The following ARMH3 variants were observed in gnomAD, a reference collection of about 807,000 sequenced individuals.
The protein encoded by ARMH3 is armadillo-like helical domain-containing protein 3.
ARMH3 carries 60 observed loss-of-function variants against 99.1 expected under a neutral mutation model. The ratio of observed to expected loss-of-function variants is 0.61; its 90% confidence interval spans 0.49 to 0.75. The LOEUF (loss-of-function observed/expected upper bound fraction) is 0.75, where lower values mean the gene tolerates loss of function less well. Ranked by LOEUF, ARMH3 falls within the 30% of genes least tolerant of loss-of-function variation. The pLI is 0.00. For synonymous variants in ARMH3, 285 were observed against 292.8 expected (o/e 0.97, Z 0.27); for missense variants, 679 against 843.1 (o/e 0.81, Z 2.41).
intron 24 of ARMH3, among the ~76,000 whole-genome samples, chr10:101,871,015 A>G (rs923475107): frequency 2.6e-5 from 4 of 152,218 alleles, no homozygotes; most frequent in Middle Eastern, 3.2e-3. Context: ...GATGCAGGAA[A>G]AAAAAGTCAA....
At chr10:101,946,010 G>A (rs1436378736) in intron 22 of ARMH3, among the ~76,000 whole-genome samples, 1 of 139,614 alleles carries the variant, frequency 7.2e-6, no homozygotes, top group East Asian at 2.1e-4. Flanking sequence ...TTGAACCCAG[G>A]AGGCAGAGGT....
chr10:101,989,678 G>C (rs189156745), intron 19 of ARMH3, among the ~76,000 whole-genome samples: 1 of 152,306 alleles, frequency 6.6e-6, no homozygotes, highest in East Asian at 1.9e-4. Flanking sequence ...CCGAGATCAT[G>C]CCACTGCACT....
At chr10:101,934,887 T>C (rs1843885282) in intron 23 of ARMH3, among the ~76,000 whole-genome samples, 1 of 152,020 alleles carries the variant, frequency 6.6e-6, no homozygotes. Flanking sequence ...TGGCAGGAAA[T>C]ATTTAGCATA....
At chr10:101,953,493 T>C (rs906310912) in intron 22 of ARMH3, among the ~76,000 whole-genome samples, 6 of 151,300 alleles carry the variant, frequency 4.0e-5, no homozygotes, top group Admixed American at 6.6e-5. Context: ...TCCTCCCGCC[T>C]GGGACTCTGA....
chr10:101,857,972 T>C (rs2066774286), intron 24 of ARMH3, among the ~76,000 whole-genome samples: 1 of 152,232 alleles, frequency 6.6e-6, no homozygotes, highest in African/African-American at 2.4e-5. Flanking sequence ...AACCTTGCAA[T>C]TTCAGCAGCC....
intron 9 of ARMH3, among the ~76,000 whole-genome samples, chr10:102,013,252 C>T (rs2136119006): frequency 6.6e-6 from 1 of 152,270 alleles, no homozygotes; most frequent in African/African-American, 2.4e-5. Context: ...ACAATGAGTC[C>T]ATGCTAAATG....
At chr10:101,992,364 G>A (rs1239105046) in intron 17 of ARMH3, among the ~76,000 whole-genome samples, 2 of 151,980 alleles carry the variant, frequency 1.3e-5, no homozygotes, top group East Asian at 1.9e-4. Context: ...GACAAAAGAG[G>A]TACACTGGTG....
intron 19 of ARMH3, among the ~76,000 whole-genome samples, chr10:101,976,460 C>CT: frequency 6.6e-6 from 1 of 151,046 alleles, no homozygotes; most frequent in African/African-American, 2.4e-5. Flanking sequence ...ACCCATTCCC[C>CT]TTATCAATGG....
rs760461229 is a variant in ARMH3, at chr10:101,847,637, G to A, written c.1978-17C>T. On this transcript the variant is annotated splice_polypyrimidine_tract_variant and intron_variant, in intron 25 of 25. Transcript: ENST00000370033. ...GGATCGAACCTGGGAAAGGGTAGTT[G>A]GGGAAGGTGGGAGGGCGCAGCCAGA... 6.2e-7 allele frequency: 1 copy of A among 1,612,432 alleles called. No individual in the cohort carries two copies. Among genetic ancestry groups the A allele is most frequent in the South Asian group, 1.1e-5 (1 of 91,040 alleles).
intron 23 of ARMH3, among the ~76,000 whole-genome samples, chr10:101,923,638 C>T (rs1843388925): frequency 6.6e-6 from 1 of 152,182 alleles, no homozygotes; most frequent in South Asian, 2.1e-4. Context: ...ACTCTCACTC[C>T]AAAAATGTCT....
chr10:101,909,971 A>G (rs1019077366), intron 23 of ARMH3, among the ~76,000 whole-genome samples: 21 of 152,346 alleles, frequency 1.4e-4, no homozygotes, highest in Non-Finnish European at 5.9e-5. Flanking sequence ...GTTCAAAATT[A>G]AAGTTACATG....
chr10:102,008,384 T>C (rs1215926267), intron 13 of ARMH3, among the ~76,000 whole-genome samples: 3 of 152,186 alleles, frequency 2.0e-5, no homozygotes, highest in Non-Finnish European at 4.4e-5. Context: ...TAACACTTTA[T>C]CAATTTTTTA....
chr10:102,003,967 C>A (rs1388101724), intron 14 of ARMH3, among the ~76,000 whole-genome samples: 1 of 152,188 alleles, frequency 6.6e-6, no homozygotes, highest in African/African-American at 2.4e-5. Context: ...AAGCTCAGAA[C>A]CCGTAATCAT....
At chr10:101,990,017 T>C (rs554690866) in intron 19 of ARMH3, among the ~76,000 whole-genome samples, 2 of 152,310 alleles carry the variant, frequency 1.3e-5, no homozygotes, top group South Asian at 4.1e-4. Context: ...CTTCATGCAG[T>C]GTGCCTAGAA....
intron 15 of ARMH3, among the ~76,000 whole-genome samples, chr10:102,000,996 T>C (rs1192251032): frequency 6.6e-6 from 1 of 152,078 alleles, no homozygotes; most frequent in Non-Finnish European, 1.5e-5. Flanking sequence ...TTTGTATTTT[T>C]AGTACAGACA....
At chr10:101,940,737 C>A (rs1248942455) in intron 22 of ARMH3, among the ~76,000 whole-genome samples, 1 of 152,170 alleles carries the variant, frequency 6.6e-6, no homozygotes, top group Non-Finnish European at 1.5e-5. Context: ...GTTTGACCTG[C>A]AAAATGAATC....
At chr10:101,997,878 G>T (rs1469196413) in intron 15 of ARMH3, among the ~76,000 whole-genome samples, 1 of 152,092 alleles carries the variant, frequency 6.6e-6, no homozygotes, top group Non-Finnish European at 1.5e-5. Flanking sequence ...ACAGAGCCAA[G>T]AAAAAGTTGC....
At chr10:102,026,003 A>C (rs1432178325) in intron 5 of ARMH3, among the ~76,000 whole-genome samples, 1 of 152,178 alleles carries the variant, frequency 6.6e-6, no homozygotes, top group East Asian at 1.9e-4. Context: ...GAATAAATGA[A>C]AAAGAAACAG....
At chr10:102,034,576 C>A (rs1023752561) in intron 2 of ARMH3, among the ~76,000 whole-genome samples, 2 of 150,410 alleles carry the variant, frequency 1.3e-5, no homozygotes, top group Non-Finnish European at 3.0e-5. Flanking sequence ...GCGGAGCTTG[C>A]AGTGAGCCGA....
Sources: allele counts gnomAD v4.1 joint callset (sites outside exome capture counted in the v4.1 genomes callset), GRCh38; gene constraint gnomAD v4.1.1; transcripts MANE v1.5; gene names NCBI Gene and HGNC (gene_info 2026-07-23, HGNC 2026-07-21).